Variants in SBNO2 observed in about 807,000 individuals in gnomAD.
SBNO2 encodes the protein protein strawberry notch homolog 2.
In SBNO2, 89 loss-of-function variants were observed where a neutral mutation model predicts 146.3. The ratio of observed to expected loss-of-function variants is 0.61; its 90% CI spans 0.51 to 0.73. The LOEUF is 0.73. SBNO2 is among the 30% of genes least tolerant of loss of function. SBNO2 has a pLI of 0.00. For synonymous variants in SBNO2, 1,147 were observed against 892.6 expected (o/e 1.29, Z -5.08); for missense variants, 2,092 against 2,003.7 (o/e 1.04, Z -0.84).
At chr19:1,142,959 G>A (rs532447308) in intron 4 of SBNO2, among the ~76,000 whole-genome samples, 2 of 151,964 alleles carry the variant, frequency 1.3e-5, no homozygotes, top group East Asian at 1.9e-4. Context: ...AGTAAGAGTC[G>A]GTCTCCAGAA....
At chr19:1,132,303 T>G (rs2080039810) in intron 4 of SBNO2, 2 of 1,312,564 alleles carry the variant, frequency 1.5e-6, no homozygotes, top group African/African-American at 1.5e-5. Context: ...GGCGCCTACT[T>G]CCTCTAAGGC....
chr19:1,166,038 C>T (rs370766290), intron 1 of SBNO2, among the ~76,000 whole-genome samples: 8 of 18,364 alleles, frequency 4.4e-4, no homozygotes, highest in African/African-American at 7.0e-4. Flanking sequence ...AGACCCCAGA[C>T]CCCAGATCCC....
chr19:1,115,927 G>A (rs114320690), intron 17 of SBNO2, 94 bp downstream of exon 17: 229 of 1,006,018 alleles, frequency 2.3e-4, no homozygotes, highest in Non-Finnish European at 3.0e-4. Flanking sequence ...CTGAGTGGAC[G>A]GGGGAGTGGG....
intron 2 of SBNO2, among the ~76,000 whole-genome samples, chr19:1,151,920 C>CTGGGAG (rs1385696922): frequency 6.6e-6 from 1 of 152,214 alleles, no homozygotes. Context: ...ACCTCGGCCT[C>CTGGGAG]CCAGAGTGCT....
In SBNO2 at chr19:1,122,776, G is replaced by A. The variant is rs2079918363; in HGVS notation, c.796C>T (p.Leu266Phe). Residue 266 changes from leucine to phenylalanine, a missense_variant, in exon 9 of 32, where the codon CTC (leucine) becomes TTC (phenylalanine). Coordinates refer to ENST00000361757, the MANE Select transcript of SBNO2 (RefSeq NM_014963.3). ...TYACQQHEVLLPSGQRAGFLI... is the reference protein window; with the variant it reads ...TYACQQHEVLFPSGQRAGFLI... ...AAGCCCGCGCGCTGCCCGCTGGGGA[G>A]CAGGACCTCGTGTTGCTGTTGCCGG... 1.3e-6 allele frequency: 2 copies of A among 1,537,838 alleles called. No individual in the cohort carries two copies. Among genetic ancestry groups the A allele is most frequent in the South Asian group, 1.2e-5 (1 of 84,018 alleles).
intron 4 of SBNO2, chr19:1,132,315 G>A (rs1428821723): frequency 3.1e-6 from 4 of 1,297,152 alleles, no homozygotes; most frequent in South Asian, 2.2e-5. Flanking sequence ...CTCTAAGGCC[G>A]GGGCTGACTT....
rs973343073 is a variant in SBNO2, at chr19:1,150,224, G to A, written c.94-782C>T. Among the ~76,000 whole-genome samples the A allele has an allele frequency of 4.6e-5, 7 of 152,170 alleles. No homozygotes were observed. The highest frequency in any genetic ancestry group is 3.9e-4 in the Admixed American group (6 of 15,288). ...TCACTATGCCTGCCCTTGGGAATGA[G>A]AGCGGCTTGAGGCACACGGCAGGCC... On this transcript the variant is annotated intron_variant, in intron 2 of 31. Coordinates refer to ENST00000361757, the MANE Select transcript of SBNO2 (RefSeq NM_014963.3). This position sits in a 1 kb window ranked among gnomAD's most constrained non-coding sequence, Gnocchi z 6.2.
chr19:1,149,561 C>T (rs2080224024), intron 2 of SBNO2, 119 bp from the exon 3 acceptor site: 1 of 857,366 alleles, frequency 1.2e-6, no homozygotes, highest in African/African-American at 1.7e-5. Context: ...GTCAGGGTCC[C>T]ATCCCGCCCC....
In SBNO2 at chr19:1,109,922, C is replaced by G. The variant is rs2079734621; in HGVS notation, c.3029-145G>C. On this transcript the variant is annotated intron_variant, in intron 26 of 31. Transcript: ENST00000361757. This position sits in a 1 kb window ranked among gnomAD's most constrained non-coding sequence, Gnocchi z 4.2. Reference sequence around the variant, plus strand: ...GTCCTGGATCCTGGCCTGACCTGGCCCAGCGTGGGGATGGTGCACGTGGGC... The same window carrying G: ...GTCCTGGATCCTGGCCTGACCTGGCGCAGCGTGGGGATGGTGCACGTGGGC... The G allele has an allele frequency of 1.6e-6, 1 of 638,744 alleles. No homozygotes were observed. Among genetic ancestry groups the G allele is most frequent in the Non-Finnish European group, 2.7e-6 (1 of 370,538 alleles). The allele number at this position is 638,744 out of a possible 1,614,324, so 39.6% of individuals were successfully genotyped here.
intron 1 of SBNO2, among the ~76,000 whole-genome samples, chr19:1,160,477 G>A (rs1275307912): frequency 6.6e-6 from 1 of 152,212 alleles, no homozygotes; most frequent in Non-Finnish European, 1.5e-5. Context: ...GGGAGACCCG[G>A]GGGAGGACGC....
rs1476119388 is a variant in SBNO2, at chr19:1,112,544, G to A, written c.2380-7C>T. 1.4e-5 allele frequency: 22 copies of A among 1,594,382 alleles called. No homozygotes were observed. Among genetic ancestry groups the A allele is most frequent in the Non-Finnish European group, 1.8e-5 (21 of 1,175,214 alleles). On this transcript the variant is annotated splice_region_variant and splice_polypyrimidine_tract_variant and intron_variant, in intron 20 of 31. Coordinates refer to ENST00000361757, the MANE Select transcript of SBNO2 (RefSeq NM_014963.3). The surrounding 1 kb of genome is among the most constrained non-coding windows in gnomAD (Gnocchi z 5.9). The stretch of plus-strand genomic sequence containing the variant: ...CCGAGATGATGGCCACGAGCTAGGG[G>A]GAAAGAAGGGGCCGGGACACGGTTG...
chr19:1,142,565 A>C (rs980931151), intron 4 of SBNO2, among the ~76,000 whole-genome samples: 5 of 152,078 alleles, frequency 3.3e-5, no homozygotes, highest in African/African-American at 1.2e-4. Flanking sequence ...CTATAATCCC[A>C]GCTACTCGGG....
At chr19:1,122,615 C>T (rs1482235604) in intron 9 of SBNO2, 43 bp downstream of exon 9, 4 of 1,489,622 alleles carry the variant, frequency 2.7e-6, no homozygotes, top group Admixed American at 4.1e-5. Context: ...CCGCTTCCGC[C>T]CCCCACCCCC....
Position 1,144,161 on chromosome 19 carries a change from C to G in SBNO2, c.279+3148G>C, listed in dbSNP as rs1404870019. ...CCGTCCCGTCCCACACTTGGCACCGCGGGACCACGCATCCCGTCCCACACT... is the reference window on the plus strand; with the variant it reads ...CCGTCCCGTCCCACACTTGGCACCGGGGGACCACGCATCCCGTCCCACACT... On this transcript the variant is annotated intron_variant, in intron 4 of 31. Transcript: ENST00000361757. The surrounding 1 kb of genome is among the most constrained non-coding windows in gnomAD (Gnocchi z 4.1). 6.6e-6 allele frequency among the ~76,000 whole-genome samples: 1 copy of G among 150,788 alleles called. No individual in the cohort carries two copies. The highest frequency in any genetic ancestry group is 1.5e-5 in the Non-Finnish European group (1 of 67,648).
At chr19:1,165,308 G>A (rs1029204099) in intron 1 of SBNO2, among the ~76,000 whole-genome samples, 4 of 152,142 alleles carry the variant, frequency 2.6e-5, no homozygotes, top group African/African-American at 4.8e-5. Context: ...CCTGGGGAGG[G>A]GCCTTGGTGC....
chr19:1,153,238 AT>A (rs369226371), intron 2 of SBNO2, among the ~76,000 whole-genome samples: 9,569 of 148,290 alleles, frequency 0.065, 473 homozygotes, highest in East Asian at 0.25. Flanking sequence ...TAATTTAAAA[AT>A]TTTTTTTTTT....
At position 1,108,447 on chromosome 19, in the gene SBNO2, C is replaced by T; in HGVS notation, c.3874G>A (p.Gly1292Ser). The change falls in exon 32 of 32, where the codon GGC (glycine) becomes AGC (serine). Residue 1292 changes from glycine to serine, a missense_variant. By Grantham distance (56) the Gly-to-Ser change is moderately conservative. Transcript: ENST00000361757. ...LDAGPGVVPL[G>S]TPDAQADPAA... ...GGGTCGGCCTGGGCGTCGGGGGTGCCCAGCGGCACGACGCCGGGGCCGGCG... is the reference window on the plus strand; with the variant it reads ...GGGTCGGCCTGGGCGTCGGGGGTGCTCAGCGGCACGACGCCGGGGCCGGCG... 8.1e-7 allele frequency: 1 copy of T among 1,240,138 alleles called. No individual in the cohort carries two copies. The highest frequency in any genetic ancestry group is 3.9e-5 in the East Asian group (1 of 25,408). The allele number at this position is 1,240,138 out of a possible 1,614,324, so 76.8% of individuals were successfully genotyped here.
intron 1 of SBNO2, among the ~76,000 whole-genome samples, chr19:1,160,095 C>T (rs1446919840): frequency 6.6e-6 from 1 of 152,186 alleles, no homozygotes; most frequent in Non-Finnish European, 1.5e-5. Flanking sequence ...GGGGCAGCAC[C>T]CGCCCTCTGG....
chr19:1,108,310 C>G lies in SBNO2; in HGVS notation c.4011G>C (p.Ala1337=). ...PPSEGALGEG[A]GAGGAAGGGP... The stretch of plus-strand genomic sequence containing the variant: ...CACCGCCCGCCGCGCCCCCCGCCCC[C>G]GCGCCCTCCCCCAGCGCGCCCTCGG... The change falls in exon 32 of 32, where the codon GCG becomes GCC. Residue 1337 remains alanine, a synonymous_variant. Transcript: ENST00000361757. The G allele has an allele frequency of 6.9e-7, 1 of 1,457,862 alleles. No homozygotes were observed. The highest frequency in any genetic ancestry group is 9.1e-7 in the Non-Finnish European group (1 of 1,100,996). 90.3% of individuals were successfully genotyped at this position (1,457,862 alleles called of 1,614,324 possible).
Sources: gnomAD v4.1 joint callset for allele counts (sites outside exome capture counted in the v4.1 genomes callset) on GRCh38, gnomAD v4.1.1 for gene constraint, Gnocchi (gnomAD v3.1) non-coding constraint, MANE v1.5 for transcripts, NCBI Gene and HGNC (gene_info 2026-07-23, HGNC 2026-07-21) for gene names.